The following SOX6 variants were observed in gnomAD, a reference collection of about 807,000 sequenced individuals.
The protein encoded by SOX6 is transcription factor SOX-6.
A neutral mutation model predicts 97.8 loss-of-function variants in SOX6; 11 were observed. The ratio of observed to expected loss-of-function variants is 0.11; its 90% CI spans 0.07 to 0.19. The LOEUF is 0.19. Ranked by LOEUF, SOX6 falls within the 10% of genes least tolerant of loss-of-function variation. The pLI is 1.00. For synonymous variants in SOX6, 360 were observed against 371.4 expected (o/e 0.97, Z 0.35); for missense variants, 810 against 1,039.5 (o/e 0.78, Z 3.04).
intron 1 of SOX6, among the ~76,000 whole-genome samples, chr11:16,450,880 T>C (rs1371475120): frequency 1.3e-5 from 2 of 152,098 alleles, no homozygotes; most frequent in Non-Finnish European, 2.9e-5. Flanking sequence ...TATGAGAATG[T>C]TTGTAGAAAA....
chr11:16,289,749 T>C (rs551743241), intron 3 of SOX6, among the ~76,000 whole-genome samples: 11 of 151,976 alleles, frequency 7.2e-5, no homozygotes, highest in Non-Finnish European at 1.5e-4. Flanking sequence ...TTTAAATCTC[T>C]GTAAGGAATA....
At chr11:16,200,646 A>T (rs558266077) in intron 4 of SOX6, among the ~76,000 whole-genome samples, 88 of 152,336 alleles carry the variant, frequency 5.8e-4, no homozygotes, top group African/African-American at 2.1e-3. Flanking sequence ...GCACTGATGA[A>T]AAAACTGTTA....
chr11:16,184,051 C>A, intron 5 of SOX6, 97 bp from the exon 6 acceptor site: 1 of 1,018,306 alleles, frequency 9.8e-7, no homozygotes, highest in Non-Finnish European at 1.5e-6. Context: ...TCTTTTACCG[C>A]ACCTCTATGT....
chr11:16,461,378 G>T (rs1400600787), intron 1 of SOX6, among the ~76,000 whole-genome samples: 2 of 152,054 alleles, frequency 1.3e-5, no homozygotes, highest in Admixed American at 6.6e-5. Flanking sequence ...CAAAAGCGAA[G>T]CTCTTGGCAT....
chr11:16,050,719 T>C (rs1847664275), intron 10 of SOX6, among the ~76,000 whole-genome samples: 1 of 152,196 alleles, frequency 6.6e-6, no homozygotes, highest in Admixed American at 6.5e-5. Flanking sequence ...GTAACTGTAG[T>C]TCATCCAGGA....
At chr11:16,245,121 C>A (rs919919496) in intron 3 of SOX6, among the ~76,000 whole-genome samples, 1 of 151,634 alleles carries the variant, frequency 6.6e-6, no homozygotes, top group Non-Finnish European at 1.5e-5. Context: ...CCACACATTT[C>A]GTTAGGTTGG....
chr11:16,268,868 T>C (rs913745099), intron 3 of SOX6, among the ~76,000 whole-genome samples: 33 of 150,990 alleles, frequency 2.2e-4, no homozygotes, highest in African/African-American at 8.0e-4. Context: ...ATATTTTCTC[T>C]CAATTTGTAG....
At chr11:15,990,747 C>T (rs939387202) in intron 13 of SOX6, among the ~76,000 whole-genome samples, 2 of 152,078 alleles carry the variant, frequency 1.3e-5, no homozygotes, top group African/African-American at 2.4e-5. Context: ...AGGCTTCTAC[C>T]GCATAACAGG....
At chr11:16,287,585 T>C (rs955804128) in intron 3 of SOX6, among the ~76,000 whole-genome samples, 1 of 152,202 alleles carries the variant, frequency 6.6e-6, no homozygotes, top group South Asian at 2.1e-4. Flanking sequence ...CAGCTCCCCA[T>C]TTACCAGCTA....
At chr11:16,674,189 C>CAA (rs61516612) in intron 3 of SOX6, among the ~76,000 whole-genome samples, 1 of 76,320 alleles carries the variant, frequency 1.3e-5, no homozygotes, top group Non-Finnish European at 2.3e-5. Flanking sequence ...GACTCCATCT[C>CAA]AAAAAAAAAA....
intron 12 of SOX6, among the ~76,000 whole-genome samples, chr11:16,045,819 A>G (rs1210663503): frequency 6.6e-6 from 1 of 152,186 alleles, no homozygotes; most frequent in South Asian, 2.1e-4. Context: ...TGCCAGCCCT[A>G]TAACACCCTA....
At chr11:16,498,466 C>G (rs1286632440) in intron 4 of SOX6, among the ~76,000 whole-genome samples, 1 of 151,876 alleles carries the variant, frequency 6.6e-6, no homozygotes, top group African/African-American at 2.4e-5. Flanking sequence ...CAATATTAAC[C>G]TTAAGTGTAA....
intron 3 of SOX6, among the ~76,000 whole-genome samples, chr11:16,668,510 CA>C (rs1299729482): frequency 6.6e-6 from 1 of 152,028 alleles, no homozygotes; most frequent in African/African-American, 2.4e-5. Flanking sequence ...GACCATAAAC[CA>C]ACCAGAAAAC....
At chr11:16,382,519 T>G (rs1291127200) in intron 1 of SOX6, 1 of 151,998 alleles carries the variant, frequency 6.6e-6, no homozygotes. Context: ...TAAGGAGTGC[T>G]CTCTATTATA....
At chr11:16,442,279 T>A (rs1048724827) in intron 1 of SOX6, among the ~76,000 whole-genome samples, 1 of 152,160 alleles carries the variant, frequency 6.6e-6, no homozygotes, top group African/African-American at 2.4e-5. Context: ...GAAATTATAG[T>A]TTCTCTAAAA....
At chr11:16,234,068 T>C (rs1332976321) in intron 4 of SOX6, among the ~76,000 whole-genome samples, 1 of 150,410 alleles carries the variant, frequency 6.6e-6, no homozygotes, top group Non-Finnish European at 1.5e-5. Context: ...CAGTGGCTTG[T>C]CCAAAGTTAC....
intron 1 of SOX6, among the ~76,000 whole-genome samples, chr11:16,445,565 G>A (rs1249158570): frequency 6.6e-6 from 1 of 152,112 alleles, no homozygotes; most frequent in East Asian, 1.9e-4. Flanking sequence ...TTACTGCACT[G>A]TATCATCACT....
intron 4 of SOX6, among the ~76,000 whole-genome samples, chr11:16,514,996 A>T (rs1157162929): frequency 6.6e-6 from 1 of 151,872 alleles, no homozygotes; most frequent in African/African-American, 2.4e-5. Context: ...GAACAGTGCC[A>T]CAATAAACAT....
At chr11:16,051,604 C>A (rs952207058) in intron 10 of SOX6, among the ~76,000 whole-genome samples, 7 of 152,034 alleles carry the variant, frequency 4.6e-5, no homozygotes, top group African/African-American at 1.7e-4. Context: ...ATTTACTTCC[C>A]TTTGCTCTTT....
Sources: gnomAD v4.1 joint callset for allele counts (sites outside exome capture counted in the v4.1 genomes callset) on GRCh38, gnomAD v4.1.1 for gene constraint, MANE v1.5 for transcripts, NCBI Gene and HGNC (gene_info 2026-07-23, HGNC 2026-07-21) for gene names.